The following TPTE variants were observed in gnomAD, a reference collection of about 807,000 sequenced individuals.
TPTE encodes the protein putative tyrosine-protein phosphatase TPTE.
A neutral mutation model predicts 84.1 loss-of-function variants in TPTE; 59 were observed. That is an observed-to-expected ratio of 0.70 (90% confidence interval 0.57 to 0.87). The LOEUF is 0.87. Among genes scored for constraint, TPTE ranks in the 40% least tolerant of loss-of-function variants. The probability of loss-of-function intolerance (pLI) is 0.00; values close to 1 mark genes in which losing one functional copy is unlikely to be tolerated. For synonymous variants in TPTE, 130 were observed against 223.5 expected, an observed-to-expected ratio of 0.58 and a Z score of 3.73; for missense variants, 382 against 659.6, an observed-to-expected ratio of 0.58 and a Z score of 4.61.
In TPTE at chr21:10,590,470, G is replaced by A. The variant is rs2075449303; in HGVS notation, c.1036G>A (p.Gly346Arg). ...CTTCTTTTCTTTTCTAGATAGAACA[G>A]GAACTATGGTTTGTGCCTTCCTTAT... is the stretch of plus-strand genomic sequence containing the variant. ...IHCKGGTDRTGTMVCAFLIAS... is the reference protein window; with the variant it reads ...IHCKGGTDRTRTMVCAFLIAS... The change falls in exon 18 of 24, where the codon GGA becomes AGA. Residue 346 changes from glycine to arginine, a missense_variant. Transcript: ENST00000618007. 5 of 1,613,950 alleles carry A rather than the reference G, an allele frequency of 3.1e-6. No homozygotes were observed. The highest frequency in any genetic ancestry group is 4.2e-6 in the Non-Finnish European group (5 of 1,179,916).
chr21:10,556,511 A>C (rs550436368), intron 8 of TPTE, among the ~76,000 whole-genome samples: 2 of 152,308 alleles, frequency 1.3e-5, no homozygotes, highest in African/African-American at 4.8e-5. Flanking sequence ...ATACGTGTGC[A>C]TGTGTCTTTA....
intron 3 of TPTE, among the ~76,000 whole-genome samples, chr21:10,531,458 A>C (rs2074177200): frequency 6.6e-6 from 1 of 152,312 alleles, no homozygotes; most frequent in East Asian, 1.9e-4. Context: ...AGATGTTGGC[A>C]TCAGGCTTCT....
At position 10,541,142 on chromosome 21, in the gene TPTE, C is replaced by T; in HGVS notation, c.42C>T (p.Ile14=). 1 of 1,613,328 alleles carries T rather than the reference C, an allele frequency of 6.2e-7. No homozygotes were observed. The highest frequency in any genetic ancestry group is 8.5e-7 in the Non-Finnish European group (1 of 1,179,332). ...ATCCGACTGACCTGGCGGGAGTCAT[C>T]ATTGAGCTCGGCCCCAATGACAGGT... is the stretch of plus-strand genomic sequence containing the variant. ...SPDPTDLAGV[I]IELGPNDSPQ... Residue 14 remains isoleucine (I), a synonymous_variant, in exon 5 of 24, where the codon ATC becomes ATT. Transcript: ENST00000618007.
At chr21:10,532,610 ACTT>A (rs1230155027) in intron 3 of TPTE, among the ~76,000 whole-genome samples, 2 of 152,404 alleles carry the variant, frequency 1.3e-5, no homozygotes, top group East Asian at 3.9e-4. Flanking sequence ...AACCATCTTG[ACTT>A]CTTATTAATG....
At chr21:10,542,950 G>C (rs1167859671) in intron 6 of TPTE, among the ~76,000 whole-genome samples, 1 of 151,840 alleles carries the variant, frequency 6.6e-6, no homozygotes, top group Non-Finnish European at 1.5e-5. Flanking sequence ...TTTCTGTCTA[G>C]AGTAATAAAA....
At position 10,549,794 on chromosome 21, in the gene TPTE, C is replaced by A. The variant is rs1279990919; in HGVS notation, c.174-2863C>A. Among the ~76,000 whole-genome samples the A allele has an allele frequency of 4.6e-5, 7 of 152,426 alleles. No homozygotes were observed. The East Asian group carries it at 1.3e-3, about 29-fold the overall frequency. On this transcript the variant is annotated intron_variant, in intron 7 of 23. Transcript: ENST00000618007. ...ATTTAATAAAATAGCGTAAAACTTCCTAACTCTTGAGGGAGAGCTAGACAT... is the reference window on the plus strand; with the variant it reads ...ATTTAATAAAATAGCGTAAAACTTCATAACTCTTGAGGGAGAGCTAGACAT...
At chr21:10,582,592 TTAA>T (rs1275626499) in intron 17 of TPTE, among the ~76,000 whole-genome samples, 30 of 152,338 alleles carry the variant, frequency 2.0e-4, no homozygotes, top group African/African-American at 6.0e-4. Context: ...TGTTCATTCT[TTAA>T]TAATATTTTA....
intron 10 of TPTE, among the ~76,000 whole-genome samples, chr21:10,563,286 T>C (rs1283656351): frequency 6.6e-6 from 1 of 152,306 alleles, no homozygotes; most frequent in African/African-American, 2.4e-5. Context: ...ATAAGGACAT[T>C]AATGAGCAAT....
At chr21:10,559,872 T>TAAA (rs61583687) in intron 9 of TPTE, among the ~76,000 whole-genome samples, 67 of 116,974 alleles carry the variant, frequency 5.7e-4, no homozygotes, top group African/African-American at 1.4e-3. Flanking sequence ...AGACTCCATG[T>TAAA]AAAAAAAAAA....
chr21:10,565,371 G>C (rs535550577), intron 10 of TPTE, among the ~76,000 whole-genome samples: 7 of 152,428 alleles, frequency 4.6e-5, no homozygotes, highest in African/African-American at 1.7e-4. Context: ...ACCAAAAAAT[G>C]GAAGGAGATT....
chr21:10,549,828 A>G (rs1340555962), intron 7 of TPTE, among the ~76,000 whole-genome samples: 2 of 152,304 alleles, frequency 1.3e-5, no homozygotes, highest in African/African-American at 2.4e-5. Context: ...ATCTAGTTCC[A>G]GGAAGATCAA....
chr21:10,560,393 T>G (rs1317363351), intron 9 of TPTE, among the ~76,000 whole-genome samples: 2 of 152,310 alleles, frequency 1.3e-5, no homozygotes, highest in East Asian at 1.9e-4. Context: ...CTTCAAAGAC[T>G]AATTCACCTT....
At chr21:10,561,516 T>A (rs796817199) in intron 10 of TPTE, among the ~76,000 whole-genome samples, 13,295 of 147,042 alleles carry the variant, frequency 0.09, 6 homozygotes, top group African/African-American at 0.22. Context: ...AAAAGCATTT[T>A]AAAATAATTA....
At chr21:10,579,444 C>T (rs1401094626) in intron 17 of TPTE, among the ~76,000 whole-genome samples, 370 of 151,218 alleles carry the variant, frequency 2.4e-3, no homozygotes, top group Non-Finnish European at 4.0e-3. Context: ...GAGCTGAGAT[C>T]GCACCATTGC....
At chr21:10,564,957 C>T (rs1970290632) in intron 10 of TPTE, among the ~76,000 whole-genome samples, 1 of 152,420 alleles carries the variant, frequency 6.6e-6, no homozygotes, top group East Asian at 1.9e-4. Flanking sequence ...AGGATGCCCA[C>T]TTTTACCACC....
At chr21:10,565,586 A>G (rs1267237315) in intron 10 of TPTE, among the ~76,000 whole-genome samples, 2 of 152,306 alleles carry the variant, frequency 1.3e-5, no homozygotes, top group Non-Finnish European at 2.9e-5. Context: ...TGGAGGAATC[A>G]CATTACCTGA....
intron 14 of TPTE, among the ~76,000 whole-genome samples, chr21:10,575,215 C>A (rs1226582950): frequency 1.3e-5 from 2 of 152,308 alleles, no homozygotes; most frequent in African/African-American, 4.8e-5. Context: ...GGAAGAGTTC[C>A]CCACGACACA....
chr21:10,587,526 A>G (rs1265907933), intron 17 of TPTE, among the ~76,000 whole-genome samples: 8 of 151,772 alleles, frequency 5.3e-5, no homozygotes, highest in East Asian at 3.9e-4. Flanking sequence ...AGCTGCATCC[A>G]TGATGCTGCA....
chr21:10,535,224 C>T (rs1159441664), intron 3 of TPTE, among the ~76,000 whole-genome samples: 1 of 152,300 alleles, frequency 6.6e-6, no homozygotes, highest in East Asian at 1.9e-4. Context: ...CAGCCCACAG[C>T]CAATTGAGTT....
Sources: allele counts gnomAD v4.1 joint callset (sites outside exome capture counted in the v4.1 genomes callset), GRCh38; gene constraint gnomAD v4.1.1; transcripts MANE v1.5; gene names NCBI Gene and HGNC (gene_info 2026-07-23, HGNC 2026-07-21).